SLMAP: variants seen among roughly 807,000 people sequenced by gnomAD.
The protein encoded by SLMAP is sarcolemmal membrane-associated protein.
In SLMAP, 44 loss-of-function variants were observed where a neutral mutation model predicts 128.8. The ratio of observed to expected loss-of-function variants is 0.34; its 90% CI spans 0.27 to 0.44. The LOEUF is 0.44. SLMAP is among the 20% of genes least tolerant of loss of function. The pLI is 1.00. For missense variants in SLMAP, 787 were observed against 985.3 expected (o/e 0.80, Z 2.69); for synonymous variants, 327 against 348.8 (o/e 0.94, Z 0.70).
At chr3:57,914,228 G>C (rs1017519723) in intron 21 of SLMAP, among the ~76,000 whole-genome samples, 1 of 151,908 alleles carries the variant, frequency 6.6e-6, no homozygotes, top group African/African-American at 2.4e-5. Context: ...TGGACATTAT[G>C]AAACAACATC....
intron 2 of SLMAP, among the ~76,000 whole-genome samples, chr3:57,761,182 A>G (rs924318775): frequency 6.6e-6 from 1 of 152,174 alleles, no homozygotes; most frequent in East Asian, 1.9e-4. Flanking sequence ...GGAAGAGGGA[A>G]CTATTTAGAC....
chr3:57,794,398 T>C (rs2086227008), intron 2 of SLMAP, among the ~76,000 whole-genome samples: 1 of 152,326 alleles, frequency 6.6e-6, no homozygotes, highest in African/African-American at 2.4e-5. Flanking sequence ...TTAACACTTA[T>C]AAGCACTTCG....
intron 19 of SLMAP, among the ~76,000 whole-genome samples, chr3:57,910,803 G>C (rs1029704835): frequency 4.6e-5 from 7 of 152,168 alleles, no homozygotes; most frequent in African/African-American, 1.7e-4. Flanking sequence ...TTGAGAGATA[G>C]GTGGGGAAGA....
rs528264984 is a variant in SLMAP at position 57,879,878 on chromosome 3, A to T, written c.1300+8180A>T. On this transcript the variant is annotated intron_variant, in intron 14 of 24. Transcript: ENST00000671191. Reference sequence around the variant, plus strand: ...GGCAGGAGAATTGCTTGAAACTAGGAGGTGGAGGTTGCAGTGAGCCAAGAT... The same window carrying T: ...GGCAGGAGAATTGCTTGAAACTAGGTGGTGGAGGTTGCAGTGAGCCAAGAT... Among the ~76,000 whole-genome samples the T allele has an allele frequency of 7.9e-5, 12 of 151,670 alleles. No individual in the cohort carries two copies. In the South Asian group the frequency reaches 2.5e-3, roughly 32 times the overall value.
intron 2 of SLMAP, among the ~76,000 whole-genome samples, chr3:57,769,609 TACCGC>T (rs1463118747): frequency 2.0e-4 from 30 of 152,108 alleles, no homozygotes; most frequent in Non-Finnish European, 1.5e-5. Flanking sequence ...CAGGGTGAGC[TACCGC>T]ACCTAGGCCC....
intron 9 of SLMAP, 28 bp from the exon 10 acceptor site, chr3:57,861,921 T>G (rs758141998): frequency 6.3e-7 from 1 of 1,588,802 alleles, no homozygotes; most frequent in African/African-American, 1.3e-5. Context: ...CTTATTCTAA[T>G]TAAATTGCCT....
At chr3:57,872,217 G>A (rs1448259181) in intron 14 of SLMAP, among the ~76,000 whole-genome samples, 5 of 152,274 alleles carry the variant, frequency 3.3e-5, no homozygotes, top group Non-Finnish European at 7.4e-5. Context: ...TGGGAGAATC[G>A]CTTGAACCTG....
chr3:57,772,828 C>T (rs2081151452), intron 2 of SLMAP, among the ~76,000 whole-genome samples: 2 of 151,952 alleles, frequency 1.3e-5, no homozygotes, highest in Admixed American at 6.6e-5. Context: ...TTAGTAGAGA[C>T]AGGGTTTCTC....
intron 2 of SLMAP, among the ~76,000 whole-genome samples, chr3:57,775,509 C>CA (rs1009755128): frequency 0.1 from 2,220 of 21,180 alleles, 299 homozygotes; most frequent in East Asian, 0.16. Flanking sequence ...CCTGTTGGTA[C>CA]AAAAAAAAAA....
intron 2 of SLMAP, chr3:57,801,231 A>G (rs1179008678): frequency 6.6e-6 from 1 of 152,492 alleles, no homozygotes; most frequent in Non-Finnish European, 1.5e-5. Flanking sequence ...ATATACAGAA[A>G]TAAATATAGC....
chr3:57,776,342 G>T (rs145565103), intron 2 of SLMAP, among the ~76,000 whole-genome samples: 4 of 152,068 alleles, frequency 2.6e-5, no homozygotes, highest in Admixed American at 1.3e-4. Context: ...CAGACTTTGT[G>T]GTTCTTATCT....
intron 2 of SLMAP, among the ~76,000 whole-genome samples, chr3:57,787,497 GAC>G (rs1257571339): frequency 1.3e-5 from 2 of 152,092 alleles, no homozygotes; most frequent in Admixed American, 6.5e-5. Context: ...TCTTTTTTGA[GAC>G]AGAGTCTCAC....
chr3:57,771,867 T>C (rs769932300), intron 2 of SLMAP, among the ~76,000 whole-genome samples: 11 of 152,232 alleles, frequency 7.2e-5, no homozygotes, highest in Non-Finnish European at 1.5e-4. Context: ...TTGTACAGTT[T>C]CCCTGTTAAA....
Position 57,913,197 on chromosome 3 carries a change from A to G in SLMAP, c.2060A>G (p.Glu687Gly), listed in dbSNP as rs913324425. Residue 687 changes from glutamate to glycine, a missense_variant, in exon 21 of 25, where the codon GAA (glutamate) becomes GGA (glycine). Around this residue, in one of 2 missense-constraint regions of SLMAP, gnomAD observed 715 missense variants for 843.6 expected, o/e 0.85. Coordinates refer to ENST00000671191, the MANE Select transcript of SLMAP (RefSeq NM_001377540.1). ...TTGAGAAAGGAATGGAATGCATTGGAAACCGAATGCCATTCTCTAAAAAGG... is the reference window on the plus strand; with the variant it reads ...TTGAGAAAGGAATGGAATGCATTGGGAACCGAATGCCATTCTCTAAAAAGG... Reference protein sequence around the residue: ...EKLRKEWNALETECHSLKREN... With the variant: ...EKLRKEWNALGTECHSLKREN... 1 of 1,598,476 alleles carries G rather than the reference A, an allele frequency of 6.3e-7. No individual in the cohort carries two copies. The highest frequency in any genetic ancestry group is 8.6e-7 in the Non-Finnish European group (1 of 1,168,330).
chr3:57,890,003 G>A (rs372041558), intron 14 of SLMAP, 38 bp from the exon 15 acceptor site: 2 of 1,469,090 alleles, frequency 1.4e-6, no homozygotes, highest in African/African-American at 2.8e-5. Flanking sequence ...ATGCTGCTCA[G>A]TTTGGGCTTG....
At chr3:57,925,473 A>G (rs1391105309) in intron 23 of SLMAP, among the ~76,000 whole-genome samples, 4 of 151,508 alleles carry the variant, frequency 2.6e-5, no homozygotes, top group African/African-American at 7.3e-5. Context: ...GATTACAGGC[A>G]TGCACCACCA....
intron 22 of SLMAP, among the ~76,000 whole-genome samples, chr3:57,922,062 G>T (rs1353015471): frequency 6.6e-6 from 1 of 152,180 alleles, no homozygotes; most frequent in Non-Finnish European, 1.5e-5. Flanking sequence ...CGGTACTTCA[G>T]ATACATTTCT....
rs779643639 is a variant in SLMAP, at chr3:57,864,736, A to C, written c.1135+20A>C. ...TACAAGGTAAGTAGCTAATCCAGAA[A>C]TTGATTTTATTTTATTTTTTTTCTT... On this transcript the variant is annotated intron_variant, in intron 11 of 24. Coordinates refer to ENST00000671191, the MANE Select transcript of SLMAP (RefSeq NM_001377540.1). The C allele has an allele frequency of 1.3e-6, 2 of 1,575,840 alleles. No homozygotes were observed. Among genetic ancestry groups the C allele is most frequent in the Non-Finnish European group, 1.7e-6 (2 of 1,166,100 alleles).
intron 21 of SLMAP, among the ~76,000 whole-genome samples, chr3:57,915,760 G>A (rs549618059): frequency 6.6e-6 from 1 of 152,268 alleles, no homozygotes; most frequent in African/African-American, 2.4e-5. Context: ...ATTTTCTGTT[G>A]TCTGGGCTAC....
Sources: gnomAD v4.1 joint callset for allele counts (sites outside exome capture counted in the v4.1 genomes callset) on GRCh38, gnomAD v4.1.1 for gene constraint, gnomAD v4.1.1 regional missense constraint, MANE v1.5 for transcripts, NCBI Gene and HGNC (gene_info 2026-07-23, HGNC 2026-07-21) for gene names.